GFRA2: variants seen among roughly 807,000 people sequenced by gnomAD.
The protein encoded by GFRA2 is GDNF family receptor alpha 2.
GFRA2 carries 17 observed loss-of-function variants against 48.3 expected under a neutral mutation model. The observed-to-expected ratio is 0.35, with a 90% CI of 0.24 to 0.53. The LOEUF is 0.53. GFRA2 is among the 20% of genes least tolerant of loss of function. The pLI is 0.93. For missense variants in GFRA2, 660 were observed against 637.3 expected (o/e 1.04, Z -0.38); for synonymous variants, 305 against 257.2 (o/e 1.19, Z -1.78).
intron 1 of GFRA2, among the ~76,000 whole-genome samples, chr8:21,811,259 G>A (rs547204824): frequency 3.3e-5 from 5 of 152,254 alleles, no homozygotes; most frequent in African/African-American, 1.2e-4. Context: ...CTCCCGGTGA[G>A]GCATCCTCAC....
chr8:21,732,909 A>T (rs1804267900), intron 4 of GFRA2, among the ~76,000 whole-genome samples: 1 of 152,180 alleles, frequency 6.6e-6, no homozygotes, highest in Non-Finnish European at 1.5e-5. Context: ...CCCCAGAGGC[A>T]GGAAAGCCAG....
At chr8:21,738,654 G>T (rs141977091) in intron 4 of GFRA2, among the ~76,000 whole-genome samples, 2 of 152,018 alleles carry the variant, frequency 1.3e-5, no homozygotes, top group Non-Finnish European at 2.9e-5. Context: ...AGTTTTACAC[G>T]CATGTGCCCT....
intron 4 of GFRA2, among the ~76,000 whole-genome samples, chr8:21,730,120 C>T (rs1804109618): frequency 1.3e-5 from 2 of 152,068 alleles, no homozygotes; most frequent in South Asian, 2.1e-4. Context: ...AACCAGGTCA[C>T]CCGGCCAGGC....
Position 21,755,320 on chromosome 8 carries a change from C to T in GFRA2, c.440-4378G>A, listed in dbSNP as rs74322713. Among the ~76,000 whole-genome samples the T allele has an allele frequency of 3.9e-5, 6 of 152,056 alleles. No individual in the cohort carries two copies. The East Asian group carries it at 9.7e-4, about 25-fold the overall frequency. ...AGAGGCTGTGCCTGGGGAGGAGTAGCGGGTAGATGGGAACTCTCTGTACCT... is the reference window on the plus strand; with the variant it reads ...AGAGGCTGTGCCTGGGGAGGAGTAGTGGGTAGATGGGAACTCTCTGTACCT... On this transcript the variant is annotated intron_variant, in intron 3 of 8. Coordinates refer to ENST00000524240, the MANE Select transcript of GFRA2 (RefSeq NM_001495.5).
At chr8:21,811,274 G>T (rs565353281) in intron 1 of GFRA2, among the ~76,000 whole-genome samples, 2 of 152,268 alleles carry the variant, frequency 1.3e-5, no homozygotes, top group African/African-American at 4.8e-5. Flanking sequence ...CCTCACAGCG[G>T]GTCTTTGCAT....
rs1409517063 is a variant in GFRA2 at position 21,702,905 on chromosome 8, G to C, written c.1118C>G (p.Thr373Ser). The C allele has an allele frequency of 6.3e-7, 1 of 1,597,836 alleles. No homozygotes were observed. The highest frequency in any genetic ancestry group is 2.3e-5 in the East Asian group (1 of 44,244). ...CGTCTTCTCCACCCGAGGGGCCTGG[G>C]TGGCCTGGAACGAGGGGCCTTTTGG... is the stretch of plus-strand genomic sequence containing the variant. ...VSPKGPSFQA[T>S]QAPRVEKTPS... The change falls in exon 7 of 9, where the codon ACC (threonine) becomes AGC (serine). Residue 373 changes from threonine (T) to serine (S), a missense_variant. Physicochemically the swap from Thr to Ser is moderately conservative, Grantham distance 58. Transcript: ENST00000524240.
intron 4 of GFRA2, among the ~76,000 whole-genome samples, chr8:21,732,666 G>C (rs1804255180): frequency 6.6e-6 from 1 of 152,232 alleles, no homozygotes; most frequent in Admixed American, 6.5e-5. Flanking sequence ...GCCACAGACA[G>C]GGGCAGCTCA....
At chr8:21,783,024 C>T (rs1458338591) in intron 1 of GFRA2, 125 bp from the exon 2 acceptor site, 7 of 904,400 alleles carry the variant, frequency 7.7e-6, no homozygotes, top group South Asian at 2.8e-5. Context: ...CACACCAAGG[C>T]GACTCTGTGG....
chr8:21,736,173 C>A (rs186686695), intron 4 of GFRA2, among the ~76,000 whole-genome samples: 25 of 152,350 alleles, frequency 1.6e-4, no homozygotes, highest in African/African-American at 5.3e-4. Flanking sequence ...CAGGTCCAGA[C>A]ACGCATTTCT....
chr8:21,718,302 G>T (rs936027340), intron 4 of GFRA2, among the ~76,000 whole-genome samples: 3 of 152,146 alleles, frequency 2.0e-5, no homozygotes, highest in African/African-American at 7.2e-5. Context: ...TGTAAGACGT[G>T]ACTTGCTCGT....
intron 4 of GFRA2, among the ~76,000 whole-genome samples, chr8:21,716,755 T>C (rs1803356052): frequency 1.3e-5 from 2 of 152,044 alleles, no homozygotes; most frequent in Admixed American, 1.3e-4. Flanking sequence ...ATTATAATAG[T>C]AAAAAAACAC....
chr8:21,768,808 G>A (rs986338020), intron 3 of GFRA2, among the ~76,000 whole-genome samples: 2 of 152,124 alleles, frequency 1.3e-5, no homozygotes, highest in African/African-American at 2.4e-5. Flanking sequence ...GCTCTGTCAT[G>A]GAGAAGTCCT....
At chr8:21,779,191 C>A (rs111407429) in intron 2 of GFRA2, among the ~76,000 whole-genome samples, 3,513 of 152,276 alleles carry the variant, frequency 0.023, 129 homozygotes, top group African/African-American at 0.08. Flanking sequence ...CAGAGTGAGA[C>A]CCTGTCTCAA....
chr8:21,791,269 G>C (rs1467395851), upstream of GFRA2, among the ~76,000 whole-genome samples: 4 of 152,136 alleles, frequency 2.6e-5, no homozygotes, highest in Non-Finnish European at 5.9e-5. Flanking sequence ...GCTCCCACGG[G>C]AGTAGGAAAG....
intron 2 of GFRA2, among the ~76,000 whole-genome samples, chr8:21,801,976 G>T (rs1807780269): frequency 6.6e-6 from 1 of 152,326 alleles, no homozygotes; most frequent in Admixed American, 6.5e-5. Context: ...CTCCCCCAGG[G>T]AACTTCCATC....
intron 3 of GFRA2, among the ~76,000 whole-genome samples, chr8:21,764,466 A>G (rs1442644320): frequency 1.3e-5 from 2 of 152,242 alleles, no homozygotes; most frequent in Non-Finnish European, 2.9e-5. Flanking sequence ...AGGACCAAAT[A>G]TTGAGACCAT....
intron 7 of GFRA2, among the ~76,000 whole-genome samples, chr8:21,700,408 C>A (rs1802415292): frequency 1.3e-5 from 2 of 152,212 alleles, no homozygotes; most frequent in South Asian, 4.1e-4. Context: ...GCCACAGGGC[C>A]AACTGGGAGG....
rs1225209272 is a variant in GFRA2 at position 21,702,879 on chromosome 8, G to T, written c.1144C>A (p.Pro382Thr). The T allele has an allele frequency of 1.9e-6, 3 of 1,608,738 alleles. No individual in the cohort carries two copies. The highest frequency in any genetic ancestry group is 1.7e-5 in the Admixed American group (1 of 59,424). Residue 382 changes from proline to threonine, a missense_variant, in exon 7 of 9, where the codon CCT becomes ACT. Pro to Thr is a conservative substitution (Grantham distance 38, BLOSUM62 -1). Coordinates refer to ENST00000524240, the MANE Select transcript of GFRA2 (RefSeq NM_001495.5). ...ATQAPRVEKTPSLPDDLSDST... is the reference protein window; with the variant it reads ...ATQAPRVEKTTSLPDDLSDST... ...TCACTGAGGTCATCTGGCAAAGAAG[G>T]CGTCTTCTCCACCCGAGGGGCCTGG...
At chr8:21,771,656 G>A (rs930848102) in intron 3 of GFRA2, among the ~76,000 whole-genome samples, 38 of 152,288 alleles carry the variant, frequency 2.5e-4, no homozygotes, top group African/African-American at 7.7e-4. Context: ...AAGAATACAC[G>A]TTCCAGGAGG....
Sources: gnomAD v4.1 joint callset for allele counts (sites outside exome capture counted in the v4.1 genomes callset) on GRCh38, gnomAD v4.1.1 for gene constraint, MANE v1.5 for transcripts, NCBI Gene and HGNC (gene_info 2026-07-23, HGNC 2026-07-21) for gene names.